SNX29: variants seen among roughly 807,000 people sequenced by gnomAD.
SNX29 encodes sorting nexin-29.
A neutral mutation model predicts 102.1 loss-of-function variants in SNX29; 78 were observed. That is an observed-to-expected ratio of 0.76 (90% CI 0.64 to 0.92). SNX29 has a LOEUF of 0.92. Among genes scored for constraint, SNX29 ranks in the 40% least tolerant of loss-of-function variants. The probability of loss-of-function intolerance (pLI) is 0.00; values close to 1 mark genes in which losing one functional copy is unlikely to be tolerated. For synonymous variants in SNX29, 580 were observed against 414.5 expected, an observed-to-expected ratio of 1.40 and a Z score of -4.85; for missense variants, 1,280 against 1,061.7, an observed-to-expected ratio of 1.21 and a Z score of -2.86.
chr16:12,091,714 C>T (rs1021944043), intron 11 of SNX29, among the ~76,000 whole-genome samples: 2 of 139,186 alleles, frequency 1.4e-5, no homozygotes, highest in Non-Finnish European at 3.0e-5. Context: ...GAGTTTGAGG[C>T]TGCGGTGAGC....
intron 14 of SNX29, among the ~76,000 whole-genome samples, chr16:12,204,650 T>A (rs561314076): frequency 6.6e-6 from 1 of 152,118 alleles, no homozygotes; most frequent in Admixed American, 6.5e-5. Flanking sequence ...GGAGACTGAG[T>A]GGGAGGAACT....
Position 12,356,216 on chromosome 16 carries a change from C to T in SNX29, c.1836C>T (p.Ala612=), listed in dbSNP as rs1369901247. ...LIEFNERLHR[A]LVAKEALVSQ... is the part of the protein sequence containing the mutation. ...AGTTCAACGAGCGCCTGCACAGGGC[C>T]CTGGTAGCCAAGGAAGCCCTCGTGT... is the stretch of plus-strand genomic sequence containing the variant. Residue 612 remains alanine, a synonymous_variant, in exon 16 of 21, where the codon GCC becomes GCT. Transcript: ENST00000566228. The T allele has an allele frequency of 2.5e-6, 4 of 1,613,376 alleles. No homozygotes were observed. Among genetic ancestry groups the T allele is most frequent in the African/African-American group, 1.3e-5 (1 of 75,016 alleles).
chr16:12,361,188 C>A (rs1325980465), intron 16 of SNX29, among the ~76,000 whole-genome samples: 1 of 152,164 alleles, frequency 6.6e-6, no homozygotes, highest in Non-Finnish European at 1.5e-5. Context: ...TGGGGTAGGT[C>A]TTGAAGGTGG....
At chr16:12,060,044 G>C (rs1313593186) in intron 8 of SNX29, among the ~76,000 whole-genome samples, 2 of 152,064 alleles carry the variant, frequency 1.3e-5, no homozygotes, top group African/African-American at 4.8e-5. Context: ...ACAGAATGAT[G>C]TTTAAACCTT....
At chr16:12,166,705 G>A (rs1359863580) in intron 13 of SNX29, among the ~76,000 whole-genome samples, 2 of 152,206 alleles carry the variant, frequency 1.3e-5, no homozygotes, top group East Asian at 1.9e-4. Context: ...TAGAGGCCCC[G>A]TATTTATTTG....
Position 12,126,642 on chromosome 16 carries a change from G to T in SNX29, c.1412G>T (p.Arg471Leu), listed in dbSNP as rs769305122. The change falls in exon 12 of 21, where the codon CGC (arginine) becomes CTC (leucine). Residue 471 changes from arginine to leucine, a missense_variant. Transcript: ENST00000566228. ...VPESMTISEL[R>L]QATVAMMNRK... ...TGTTTTCTTCCCTTAGGTGAACTGC[G>T]CCAGGCCACTGTGGCCATGATGAAC... 6.2e-7 allele frequency: 1 copy of T among 1,613,972 alleles called. No individual in the cohort carries two copies. The highest frequency in any genetic ancestry group is 1.1e-5 in the South Asian group (1 of 91,056).
chr16:12,416,954 AATT>A (rs769899974), intron 18 of SNX29, among the ~76,000 whole-genome samples: 2 of 152,220 alleles, frequency 1.3e-5, no homozygotes, highest in Non-Finnish European at 2.9e-5. Context: ...AACTGTGTAT[AATT>A]ATTATGTGCC....
At chr16:12,530,188 T>C (rs987782068) in intron 20 of SNX29, among the ~76,000 whole-genome samples, 2 of 152,182 alleles carry the variant, frequency 1.3e-5, no homozygotes. Context: ...GCGGTGTTGA[T>C]TTTGGAGTTG....
intron 14 of SNX29, among the ~76,000 whole-genome samples, chr16:12,200,546 A>C (rs1228726813): frequency 1.3e-5 from 2 of 151,864 alleles, no homozygotes; most frequent in Non-Finnish European, 2.9e-5. Context: ...GCAGTGGCAC[A>C]ATCTTGGCTC....
intron 16 of SNX29, among the ~76,000 whole-genome samples, chr16:12,385,931 T>C (rs969234248): frequency 3.3e-5 from 5 of 152,058 alleles, no homozygotes; most frequent in African/African-American, 9.7e-5. Flanking sequence ...GTGGTGGGGG[T>C]GAGGACTGAG....
chr16:12,537,802 CAGAG>C (rs2077143156), intron 20 of SNX29, among the ~76,000 whole-genome samples: 2 of 152,064 alleles, frequency 1.3e-5, no homozygotes, highest in East Asian at 1.9e-4. Flanking sequence ...TCTCCTATAT[CAGAG>C]AGGTGTGTCC....
At chr16:12,158,169 C>T (rs2055632916) in intron 13 of SNX29, among the ~76,000 whole-genome samples, 1 of 151,996 alleles carries the variant, frequency 6.6e-6, no homozygotes, top group African/African-American at 2.4e-5. Context: ...GCCTCTACCT[C>T]CCAGGTAGAG....
chr16:12,129,874 G>A, intron 13 of SNX29, 116 bp downstream of exon 13: 3 of 1,270,174 alleles, frequency 2.4e-6, no homozygotes, highest in Non-Finnish European at 3.2e-6. Context: ...GGAGGCCAAG[G>A]CGGGTGGATC....
rs28716075 is a variant in SNX29, at chr16:12,552,382, A to G, written c.2319-16124A>G. Among the ~76,000 whole-genome samples the G allele has an allele frequency of 9.4e-3, 1,433 of 152,332 alleles. 13 individuals are homozygous for G. Among genetic ancestry groups the G allele is most frequent in the African/African-American group, 0.032 (1,330 of 41,582 alleles). ...CCAATACACGTGTAAGACAGCAAGC[A>G]TGGTACCTGGCGCAGAGCAGTGGTG... On this transcript the variant is annotated intron_variant, in intron 20 of 20. Coordinates refer to ENST00000566228, the MANE Select transcript of SNX29 (RefSeq NM_032167.5).
At chr16:12,444,166 A>G (rs2085940021) in intron 18 of SNX29, among the ~76,000 whole-genome samples, 1 of 152,228 alleles carries the variant, frequency 6.6e-6, no homozygotes, top group African/African-American at 2.4e-5. Flanking sequence ...AGCACCTAGC[A>G]TGTAATAAGC....
intron 4 of SNX29, chr16:12,029,847 C>T: frequency 2.9e-6 from 1 of 342,932 alleles, no homozygotes; most frequent in Non-Finnish European, 5.7e-6. Flanking sequence ...CCGCCTCGAC[C>T]TCCCAAAGTG....
intron 11 of SNX29, among the ~76,000 whole-genome samples, chr16:12,108,508 T>C (rs746289398): frequency 2.0e-5 from 3 of 152,218 alleles, no homozygotes; most frequent in Non-Finnish European, 4.4e-5. Flanking sequence ...CTGTGTTTTC[T>C]CTTTTAGGAG....
At chr16:12,421,960 A>C (rs2084892417) in intron 18 of SNX29, among the ~76,000 whole-genome samples, 1 of 151,408 alleles carries the variant, frequency 6.6e-6, no homozygotes, top group African/African-American at 2.4e-5. Flanking sequence ...ATCATCAACC[A>C]CCCATCACAG....
chr16:12,556,599 G>T (rs866186262), intron 20 of SNX29: 1 of 152,320 alleles, frequency 6.6e-6, no homozygotes, highest in South Asian at 2.1e-4. Flanking sequence ...AGGGTTTGGG[G>T]TCTGAGGAAG....
Sources: allele counts gnomAD v4.1 joint callset (sites outside exome capture counted in the v4.1 genomes callset), GRCh38; gene constraint gnomAD v4.1.1; transcripts MANE v1.5; gene names NCBI Gene and HGNC (gene_info 2026-07-23, HGNC 2026-07-21).